The following CDKL1 variants were observed in gnomAD, a reference collection of about 807,000 sequenced individuals.
CDKL1 encodes cyclin dependent kinase like 1.
CDKL1 carries 41 observed loss-of-function variants against 42.0 expected under a neutral mutation model. The ratio of observed to expected loss-of-function variants is 0.98; its 90% confidence interval spans 0.76 to 1.27. The LOEUF (loss-of-function observed/expected upper bound fraction) is 1.27, where lower values mean the gene tolerates loss of function less well. Ranked by LOEUF, CDKL1 falls within the 50% of genes most tolerant of loss-of-function variation. CDKL1 has a pLI of 0.00. For synonymous variants in CDKL1, 153 were observed against 158.6 expected (o/e 0.96, Z 0.26); for missense variants, 394 against 428.4 (o/e 0.92, Z 0.71).
intron 2 of CDKL1, among the ~76,000 whole-genome samples, chr14:50,384,984 T>C (rs1244743470): frequency 6.8e-6 from 1 of 147,406 alleles, no homozygotes; most frequent in Non-Finnish European, 1.5e-5. Context: ...CGCAGGAGAA[T>C]TGCTTCAACC....
intron 2 of CDKL1, among the ~76,000 whole-genome samples, chr14:50,379,436 G>C (rs1372961210): frequency 6.6e-6 from 1 of 152,100 alleles, no homozygotes; most frequent in Non-Finnish European, 1.5e-5. Context: ...CTGTGGGTGG[G>C]GTAGACAGGC....
chr14:50,360,786 TTGTGTGTGTGTGTG>T (rs58307197), intron 2 of CDKL1, among the ~76,000 whole-genome samples: 47 of 144,696 alleles, frequency 3.2e-4, no homozygotes, highest in African/African-American at 1.1e-3. Flanking sequence ...GTGTGTGTGT[TTGTGTGTGTGTGTG>T]TGTGTGTGTG....
intron 4 of CDKL1, chr14:50,342,916 G>A (rs754408670): frequency 1.5e-6 from 2 of 1,340,560 alleles, no homozygotes; most frequent in Middle Eastern, 2.1e-4. Context: ...CCTCTGGGGA[G>A]AGTCGCTAGA....
At chr14:50,340,745 G>A (rs537307043) in intron 6 of CDKL1, among the ~76,000 whole-genome samples, 21 of 152,294 alleles carry the variant, frequency 1.4e-4, no homozygotes, top group African/African-American at 4.3e-4. Context: ...AGAAATGTGA[G>A]TTTTTATTGT....
chr14:50,365,984 A>C (rs1377407383), intron 2 of CDKL1, among the ~76,000 whole-genome samples: 1 of 152,202 alleles, frequency 6.6e-6, no homozygotes, highest in East Asian at 1.9e-4. Flanking sequence ...AGAAGGCTAC[A>C]CTGATGGCTT....
At chr14:50,337,630 T>C (rs1340261591) in intron 7 of CDKL1, among the ~76,000 whole-genome samples, 1 of 151,842 alleles carries the variant, frequency 6.6e-6, no homozygotes, top group Non-Finnish European at 1.5e-5. Flanking sequence ...GCTAGAATTA[T>C]AGGTGTGGGC....
At chr14:50,374,533 G>A (rs915004272) in intron 2 of CDKL1, among the ~76,000 whole-genome samples, 1 of 152,162 alleles carries the variant, frequency 6.6e-6, no homozygotes, top group Non-Finnish European at 1.5e-5. Flanking sequence ...AGAGGGTAGA[G>A]GAAAAGCTGA....
intron 7 of CDKL1, chr14:50,335,921 G>GA (rs112444859): frequency 6.7e-4 from 833 of 1,246,652 alleles, no homozygotes; most frequent in African/African-American, 1.8e-3. Flanking sequence ...GTCAACAGGA[G>GA]AAAAAAAAAA....
At chr14:50,339,522 A>G (rs3783417) in intron 6 of CDKL1, among the ~76,000 whole-genome samples, 79,286 of 136,644 alleles carry the variant, frequency 0.58, 22,595 homozygotes, top group East Asian at 0.64. Context: ...GGGAGGGAGG[A>G]AGAGAGGGAG....
chr14:50,334,064 A>G (rs1392134113), intron 8 of CDKL1: 1 of 152,090 alleles, frequency 6.6e-6, no homozygotes, highest in Non-Finnish European at 1.5e-5. Context: ...TTCAAATATA[A>G]TGTTAGGTTT....
chr14:50,368,897 C>T (rs1252433164), intron 2 of CDKL1, among the ~76,000 whole-genome samples: 1 of 143,262 alleles, frequency 7.0e-6, no homozygotes, highest in African/African-American at 2.6e-5. Flanking sequence ...GATGGAGTCT[C>T]GCTCTGTCAC....
chr14:50,345,084 A>T (rs2033683600), intron 3 of CDKL1, 26 bp from the exon 4 acceptor site: 11 of 1,606,036 alleles, frequency 6.8e-6, no homozygotes, highest in Non-Finnish European at 9.4e-6. Context: ...CAGCACAAAC[A>T]CATTCTTTAG....
intron 2 of CDKL1, among the ~76,000 whole-genome samples, chr14:50,365,326 C>T (rs750838486): frequency 6.6e-6 from 1 of 152,148 alleles, no homozygotes; most frequent in Non-Finnish European, 1.5e-5. Flanking sequence ...GAAGGTGTAA[C>T]TTGTCTCTCC....
intron 2 of CDKL1, among the ~76,000 whole-genome samples, chr14:50,369,852 C>T (rs935362688): frequency 1.3e-5 from 2 of 152,018 alleles, no homozygotes; most frequent in Non-Finnish European, 2.9e-5. Context: ...CTCCTGACCT[C>T]AAGTGATCCG....
At position 50,347,589 on chromosome 14, in the gene CDKL1, C is replaced by T. The variant is rs917964634; in HGVS notation, c.291-2531G>A. ...GTTTTTAGCTTGAGTAACTGGTACA[C>T]AGTGGTGCCTTTTACTCAGGAGAAC... is the stretch of plus-strand genomic sequence containing the variant. On this transcript the variant is annotated intron_variant, in intron 3 of 9. Transcript: ENST00000395834. 2.0e-5 allele frequency among the ~76,000 whole-genome samples: 3 copies of T among 152,288 alleles called. No individual in the cohort carries two copies. In the South Asian group the frequency reaches 6.2e-4, roughly 32 times the overall value.
chr14:50,381,621 A>G (rs2034910427), intron 2 of CDKL1, among the ~76,000 whole-genome samples: 2 of 152,242 alleles, frequency 1.3e-5, no homozygotes, highest in Admixed American at 1.3e-4. Context: ...GGAATAGTAC[A>G]ATTGTGACAA....
chr14:50,362,655 A>C (rs1351221182), intron 2 of CDKL1, among the ~76,000 whole-genome samples: 1 of 152,050 alleles, frequency 6.6e-6, no homozygotes, highest in South Asian at 2.1e-4. Flanking sequence ...GTTAGGACTT[A>C]GAGAACATTT....
intron 2 of CDKL1, among the ~76,000 whole-genome samples, chr14:50,382,181 G>A (rs1035140720): frequency 2.6e-5 from 4 of 152,208 alleles, no homozygotes; most frequent in Non-Finnish European, 5.9e-5. Flanking sequence ...GGCCGGGCGC[G>A]GTGGCTGACG....
At chr14:50,380,802 C>CTTTTTTTTTTTTTT in intron 2 of CDKL1, among the ~76,000 whole-genome samples, 1 of 134,638 alleles carries the variant, frequency 7.4e-6, no homozygotes, top group East Asian at 2.4e-4. Flanking sequence ...CTGTGACTTC[C>CTTTTTTTTTTTTTT]TTTTTTTTTT....
Sources: allele counts gnomAD v4.1 joint callset (sites outside exome capture counted in the v4.1 genomes callset), GRCh38; gene constraint gnomAD v4.1.1; transcripts MANE v1.5; gene names NCBI Gene and HGNC (gene_info 2026-07-23, HGNC 2026-07-21).